TRDN: variants seen among roughly 807,000 people sequenced by gnomAD.
The protein encoded by TRDN is triadin in skeletal muscle.
A neutral mutation model predicts 149.7 loss-of-function variants in TRDN; 161 were observed. That is an observed-to-expected ratio of 1.08 (90% confidence interval 0.95 to 1.23). The LOEUF is 1.23. TRDN is among the 50% of genes most tolerant of loss of function. The pLI is 0.00. For synonymous variants in TRDN, 294 were observed against 250.5 expected, an observed-to-expected ratio of 1.17 and a Z score of -1.64; for missense variants, 896 against 823.5, an observed-to-expected ratio of 1.09 and a Z score of -1.08.
At chr6:123,621,098 A>G (rs778758783) in intron 1 of TRDN, among the ~76,000 whole-genome samples, 9 of 152,116 alleles carry the variant, frequency 5.9e-5, no homozygotes, top group African/African-American at 1.2e-4. Flanking sequence ...ATGACATTCA[A>G]TCAATATTAG....
At chr6:123,414,163 C>T (rs1044730118) in intron 12 of TRDN, among the ~76,000 whole-genome samples, 4 of 110,078 alleles carry the variant, frequency 3.6e-5, no homozygotes, top group Non-Finnish European at 7.3e-5. Context: ...TATGCCACAT[C>T]TTTGCATTTA....
Position 123,510,887 on chromosome 6 carries a change from A to C in TRDN, c.610+1416T>G, listed in dbSNP as rs543907825. Among the ~76,000 whole-genome samples the C allele has an allele frequency of 3.9e-5, 6 of 152,194 alleles. No homozygotes were observed. The East Asian group carries it at 1.2e-3, about 29-fold the overall frequency. On this transcript the variant is annotated intron_variant, in intron 7 of 40. Transcript: ENST00000334268. ...TTGAATTCCTGACCTCAAGTGATTCACCGGCCTCGGCCTCCCAGAGTGCTG... is the reference window on the plus strand; with the variant it reads ...TTGAATTCCTGACCTCAAGTGATTCCCCGGCCTCGGCCTCCCAGAGTGCTG...
At chr6:123,525,324 T>G (rs754616878) in intron 5 of TRDN, among the ~76,000 whole-genome samples, 10 of 152,112 alleles carry the variant, frequency 6.6e-5, no homozygotes, top group South Asian at 2.1e-4. Flanking sequence ...CAGTGGCTGA[T>G]TGGGTAAAGA....
intron 1 of TRDN, among the ~76,000 whole-genome samples, chr6:123,572,524 A>G (rs1782635144): frequency 6.6e-6 from 1 of 152,150 alleles, no homozygotes; most frequent in Non-Finnish European, 1.5e-5. Context: ...TCTAGAAGTA[A>G]CTGAGAGATC....
intron 1 of TRDN, among the ~76,000 whole-genome samples, chr6:123,614,302 A>AC (rs1401878837): frequency 7.0e-6 from 1 of 142,486 alleles, no homozygotes; most frequent in Non-Finnish European, 1.5e-5. Context: ...AAAAAAAACA[A>AC]AAAAAAAAAA....
At chr6:123,477,401 C>T (rs1367848162) in intron 9 of TRDN, among the ~76,000 whole-genome samples, 1 of 149,042 alleles carries the variant, frequency 6.7e-6, no homozygotes, top group Non-Finnish European at 1.5e-5. Flanking sequence ...ATTAAAAAGT[C>T]AGGAAACAAC....
chr6:123,272,921 A>G, intron 29 of TRDN, 43 bp downstream of exon 29: 1 of 1,363,036 alleles, frequency 7.3e-7, no homozygotes, highest in South Asian at 1.4e-5. Flanking sequence ...AAATTAGAAC[A>G]TTGAGAGGTT....
intron 12 of TRDN, among the ~76,000 whole-genome samples, chr6:123,413,819 G>A (rs1441265670): frequency 6.6e-6 from 1 of 152,074 alleles, no homozygotes; most frequent in East Asian, 1.9e-4. Flanking sequence ...TACAGATAAA[G>A]AGATAGTCAA....
intron 1 of TRDN, among the ~76,000 whole-genome samples, chr6:123,591,134 A>G (rs1215053686): frequency 1.3e-5 from 2 of 152,162 alleles, no homozygotes; most frequent in Non-Finnish European, 2.9e-5. Context: ...TCCATAGAGT[A>G]TTTTTCTCTC....
At chr6:123,282,037 G>A (rs1222762520) in intron 24 of TRDN, among the ~76,000 whole-genome samples, 8 of 151,676 alleles carry the variant, frequency 5.3e-5, no homozygotes, top group African/African-American at 9.7e-5. Flanking sequence ...TATGACTAGC[G>A]TTATGATCAA....
intron 12 of TRDN, among the ~76,000 whole-genome samples, chr6:123,409,716 C>CA (rs754964862): frequency 8.0e-5 from 12 of 149,616 alleles, no homozygotes; most frequent in Middle Eastern, 3.5e-3. Context: ...CACACACACA[C>CA]CCAAAACTCA....
chr6:123,525,222 A>G (rs1261879667), intron 5 of TRDN, among the ~76,000 whole-genome samples: 2 of 152,118 alleles, frequency 1.3e-5, no homozygotes, highest in Non-Finnish European at 2.9e-5. Context: ...AAATGAAAAA[A>G]AATCATTATA....
At chr6:123,284,195 G>A (rs1346878993) in intron 24 of TRDN, among the ~76,000 whole-genome samples, 3 of 145,494 alleles carry the variant, frequency 2.1e-5, no homozygotes, top group Non-Finnish European at 3.0e-5. Context: ...ATACAAACAA[G>A]AAAGGGACAT....
At position 123,266,446 on chromosome 6, in the gene TRDN, A is replaced by ATATTAT. The variant is rs1491160514; in HGVS notation, c.1784-1109_1784-1108insATAATA. ...ATGATATGTATTATATATAATATAT[A>ATATTAT]GATTATGATATGTATTATATATAAT... On this transcript the variant is annotated intron_variant, in intron 32 of 40. Coordinates refer to ENST00000334268, the MANE Select transcript of TRDN (RefSeq NM_006073.4). 3.9e-4 allele frequency among the ~76,000 whole-genome samples: 33 copies of ATATTAT among 83,550 alleles called. 12 individuals are homozygous for ATATTAT. Among genetic ancestry groups the ATATTAT allele is most frequent in the Non-Finnish European group, 5.0e-4 (27 of 54,538 alleles). The allele number at this position is 83,550 out of a possible 152,430, so 54.8% of individuals were successfully genotyped here. A position where few individuals can be genotyped will look rare whatever the true frequency, so the allele number is the denominator to read the frequency against.
rs544121668 is a variant in TRDN, at chr6:123,424,428, T to A, written c.1051+13635A>T. On this transcript the variant is annotated intron_variant, in intron 12 of 40. Transcript: ENST00000334268. ...TCTTTTCATATGCATTATGTTTTCA[T>A]AGGCCCTCTATAAACAAGAAAAAAC... Among the ~76,000 whole-genome samples the A allele has an allele frequency of 2.6e-5, 4 of 152,166 alleles. No homozygotes were observed. In the East Asian group the frequency reaches 7.7e-4, roughly 29 times the overall value.
intron 1 of TRDN, among the ~76,000 whole-genome samples, chr6:123,634,071 G>C (rs535983798): frequency 6.6e-6 from 1 of 151,962 alleles, no homozygotes; most frequent in Non-Finnish European, 1.5e-5. Context: ...GGATGGAAAA[G>C]GTAATTGATT....
At chr6:123,338,235 G>A (rs1355181661) in intron 21 of TRDN, among the ~76,000 whole-genome samples, 1 of 152,060 alleles carries the variant, frequency 6.6e-6, no homozygotes. Context: ...CTTGACAAGG[G>A]AAAGAAATTA....
chr6:123,415,551 C>T (rs1177890479), intron 12 of TRDN, among the ~76,000 whole-genome samples: 2 of 152,166 alleles, frequency 1.3e-5, no homozygotes, highest in Non-Finnish European at 2.9e-5. Flanking sequence ...TTCTTTCTAT[C>T]CCATATGTAA....
intron 7 of TRDN, among the ~76,000 whole-genome samples, chr6:123,504,190 A>T (rs1374772220): frequency 6.6e-6 from 1 of 152,016 alleles, no homozygotes; most frequent in African/African-American, 2.4e-5. Flanking sequence ...TTTTTAAGGC[A>T]ATAGTAACTT....
Sources: gnomAD v4.1 joint callset for allele counts (sites outside exome capture counted in the v4.1 genomes callset) on GRCh38, gnomAD v4.1.1 for gene constraint, MANE v1.5 for transcripts, NCBI Gene and HGNC (gene_info 2026-07-23, HGNC 2026-07-21) for gene names.